ASAH2: variants seen among roughly 807,000 people sequenced by gnomAD.
ASAH2 encodes N-acylsphingosine amidohydrolase 2.
ASAH2 carries 58 observed loss-of-function variants against 82.9 expected under a neutral mutation model. The ratio of observed to expected loss-of-function variants is 0.70; its 90% confidence interval spans 0.57 to 0.87. ASAH2 has a LOEUF of 0.87. Among genes scored for constraint, ASAH2 ranks in the 40% least tolerant of loss-of-function variants. The pLI, the probability that ASAH2 is intolerant of heterozygous loss-of-function variation, is 0.00. For missense variants in ASAH2, 779 were observed against 834.0 expected (o/e 0.93, Z 0.81); for synonymous variants, 276 against 289.7 (o/e 0.95, Z 0.48).
chr10:50,234,404 A>G (rs1438081541), intron 6 of ASAH2, 21 bp downstream of exon 6: 1 of 1,612,648 alleles, frequency 6.2e-7, no homozygotes, highest in Non-Finnish European at 8.5e-7. Flanking sequence ...AAACGATTTC[A>G]TTTTGACGAT....
chr10:50,225,913 A>C (rs1845871542), intron 7 of ASAH2, among the ~76,000 whole-genome samples: 1 of 152,196 alleles, frequency 6.6e-6, no homozygotes, highest in African/African-American at 2.4e-5. Flanking sequence ...CAACATGGTG[A>C]AACCCCGTCT....
chr10:50,204,196 T>C (rs1845233081), intron 14 of ASAH2, among the ~76,000 whole-genome samples: 1 of 151,934 alleles, frequency 6.6e-6, no homozygotes, highest in Admixed American at 6.6e-5. Context: ...AGACATGTTA[T>C]TATTTAATTT....
intron 18 of ASAH2, among the ~76,000 whole-genome samples, chr10:50,193,163 C>T (rs1282466490): frequency 2.8e-5 from 4 of 143,510 alleles, no homozygotes; most frequent in East Asian, 2.1e-4. Flanking sequence ...CCCCCTGAAA[C>T]GACTAAAAAA....
chr10:50,237,079 G>A (rs1439825701), intron 4 of ASAH2, among the ~76,000 whole-genome samples: 1 of 152,144 alleles, frequency 6.6e-6, no homozygotes, highest in Non-Finnish European at 1.5e-5. Flanking sequence ...TTTTAGCAGA[G>A]GCTGAGATGA....
At chr10:50,243,888 T>C (rs969326737) in intron 3 of ASAH2, among the ~76,000 whole-genome samples, 1 of 152,204 alleles carries the variant, frequency 6.6e-6, no homozygotes, top group Admixed American at 6.5e-5. Flanking sequence ...TCACAGAGGG[T>C]ACCTCGCCCT....
chr10:50,242,447 T>C (rs1194931203), intron 4 of ASAH2, among the ~76,000 whole-genome samples: 1 of 152,212 alleles, frequency 6.6e-6, no homozygotes, highest in African/African-American at 2.4e-5. Flanking sequence ...TTCTGGTCAA[T>C]GCTCCAGCCG....
intron 3 of ASAH2, among the ~76,000 whole-genome samples, chr10:50,244,839 CT>C (rs72507051): frequency 1.3e-5 from 2 of 151,186 alleles, no homozygotes; most frequent in South Asian, 2.1e-4. Context: ...TTTATTTGTG[CT>C]TTTTTTTTCC....
At chr10:50,234,962 C>T (rs1846118016) in intron 5 of ASAH2, among the ~76,000 whole-genome samples, 1 of 152,114 alleles carries the variant, frequency 6.6e-6, no homozygotes, top group Non-Finnish European at 1.5e-5. Flanking sequence ...ACCACCAAGG[C>T]AGAGTTGTTC....
chr10:50,214,852 G>A lies in ASAH2; in HGVS notation c.1031C>T (p.Ala344Val). The A allele has an allele frequency of 6.2e-7, 1 of 1,613,626 alleles. No individual in the cohort carries two copies. Among genetic ancestry groups the A allele is most frequent in the Non-Finnish European group, 8.5e-7 (1 of 1,179,644 alleles). Residue 344 changes from alanine to valine, a missense_variant, in exon 9 of 21, where the codon GCC (alanine) becomes GTC (valine). By Grantham distance (64) the Ala-to-Val change is moderately conservative. This residue lies in a region of ASAH2 where 759 missense variants were observed against 755.2 expected (regional missense o/e 1.00). Transcript: ENST00000682911. Reference sequence around the variant, plus strand: ...ATCTCCTAGGTTTGATGAAGCAAAGGCTGCTACAAATGGCCCCTGCCAAAA... The same window carrying A: ...ATCTCCTAGGTTTGATGAAGCAAAGACTGCTACAAATGGCCCCTGCCAAAA... ...YLPGQGPFVA[A>V]FASSNLGDVS... is the part of the protein sequence containing the mutation.
chr10:50,232,854 A>G (rs141987680), intron 7 of ASAH2, among the ~76,000 whole-genome samples: 5,414 of 152,240 alleles, frequency 0.036, 128 homozygotes, highest in Middle Eastern at 0.099. Flanking sequence ...TGGAAGTTCC[A>G]CATGTGAGAT....
rs2133203022 is a variant in ASAH2, at chr10:50,206,081, A to G, written c.1431T>C (p.Asp477=). The G allele has an allele frequency of 3.1e-6, 5 of 1,611,940 alleles. No individual in the cohort carries two copies. In the East Asian group the frequency reaches 1.1e-4, roughly 36 times the overall value. ...GGTCCCGAATGGTGTCCCAAAATGG[A>G]TCCCCTTCTGTTTTCCCTATTAGAA... ...LNFTQGKTEG[D]PFWDTIRDQI... Residue 477 remains aspartate, a synonymous_variant, in exon 13 of 21, where the codon GAT becomes GAC. Coordinates refer to ENST00000682911, the MANE Select transcript of ASAH2 (RefSeq NM_019893.4).
intron 2 of ASAH2, among the ~76,000 whole-genome samples, chr10:50,247,060 T>A (rs1846477073): frequency 6.6e-6 from 1 of 152,190 alleles, no homozygotes; most frequent in Non-Finnish European, 1.5e-5. Flanking sequence ...AAACAGTAAC[T>A]ACTGCCATAA....
At chr10:50,228,580 T>C (rs1258323275) in intron 7 of ASAH2, among the ~76,000 whole-genome samples, 1 of 152,190 alleles carries the variant, frequency 6.6e-6, no homozygotes, top group Admixed American at 6.6e-5. Flanking sequence ...TAAATGAGTG[T>C]AATAGCACAA....
rs1414491925 is a variant in ASAH2, at chr10:50,216,705, C to A, written c.1014+1805G>T. On this transcript the variant is annotated intron_variant, in intron 8 of 20. Coordinates refer to ENST00000682911, the MANE Select transcript of ASAH2 (RefSeq NM_019893.4). ...TCTCTTCAACATAATTAGAGCCATG[C>A]AAGTCCTCTGCCTCAACCCAACCAC... Among the ~76,000 whole-genome samples, 3 of 152,254 alleles carry A rather than the reference C, an allele frequency of 2.0e-5. No homozygotes were observed. The South Asian group carries it at 6.2e-4, about 32-fold the overall frequency.
intron 12 of ASAH2, among the ~76,000 whole-genome samples, chr10:50,207,060 A>G (rs1195703987): frequency 2.6e-5 from 4 of 152,028 alleles, no homozygotes; most frequent in African/African-American, 9.6e-5. Flanking sequence ...GAAATTAAGC[A>G]GTATGATCTG....
chr10:50,226,462 T>A (rs1193459118), intron 7 of ASAH2, among the ~76,000 whole-genome samples: 6 of 152,178 alleles, frequency 3.9e-5, no homozygotes, highest in African/African-American at 1.4e-4. Flanking sequence ...CTGTGGAAAT[T>A]TTAGAAAATA....
chr10:50,226,333 A>C (rs1845883869), intron 7 of ASAH2, among the ~76,000 whole-genome samples: 1 of 152,182 alleles, frequency 6.6e-6, no homozygotes, highest in African/African-American at 2.4e-5. Context: ...CTTTTTAAGA[A>C]AAATATTATA....
chr10:50,227,408 G>A (rs942590833), intron 7 of ASAH2, among the ~76,000 whole-genome samples: 2 of 152,150 alleles, frequency 1.3e-5, no homozygotes, highest in Non-Finnish European at 2.9e-5. Context: ...TGCACAGTGA[G>A]TGAAACCAAG....
At chr10:50,244,150 C>T (rs370396166) in intron 3 of ASAH2, among the ~76,000 whole-genome samples, 5 of 152,190 alleles carry the variant, frequency 3.3e-5, no homozygotes, top group Admixed American at 2.0e-4. Context: ...ATATGCAGAA[C>T]GACGTTGTGC....
Sources: gnomAD v4.1 joint callset for allele counts (sites outside exome capture counted in the v4.1 genomes callset) on GRCh38, gnomAD v4.1.1 for gene constraint, gnomAD v4.1.1 regional missense constraint, MANE v1.5 for transcripts, NCBI Gene and HGNC (gene_info 2026-07-23, HGNC 2026-07-21) for gene names.